Variants in CHIC2 observed in about 807,000 individuals in gnomAD.
CHIC2 encodes the protein cysteine rich hydrophobic domain 2.
A neutral mutation model predicts 25.9 loss-of-function variants in CHIC2; 14 were observed. That is an observed-to-expected ratio of 0.54 (90% CI 0.36 to 0.85). The LOEUF (loss-of-function observed/expected upper bound fraction) is 0.85, where lower values mean the gene tolerates loss of function less well. Ranked by LOEUF, CHIC2 falls within the 40% of genes least tolerant of loss-of-function variation. The probability of loss-of-function intolerance (pLI) is 0.01; values close to 1 mark genes in which losing one functional copy is unlikely to be tolerated. For synonymous variants in CHIC2, 70 were observed against 72.0 expected (o/e 0.97, Z 0.14); for missense variants, 146 against 202.0 (o/e 0.72, Z 1.68).
At chr4:54,058,482 T>C (rs1273596527) in intron 1 of CHIC2, among the ~76,000 whole-genome samples, 1 of 151,072 alleles carries the variant, frequency 6.6e-6, no homozygotes, top group Admixed American at 6.6e-5. Context: ...CTACCAAAAA[T>C]AAAAATCCCT....
the CHIC2 span, chr4:54,087,464 A>C: frequency 1.3e-6 from 1 of 781,678 alleles, no homozygotes; most frequent in South Asian, 3.2e-5. Context: ...AGTTAATGAA[A>C]TTGTGACAAG....
chr4:54,016,645 A>G (rs556240468), intron 3 of CHIC2, among the ~76,000 whole-genome samples: 2 of 152,250 alleles, frequency 1.3e-5, no homozygotes, highest in African/African-American at 2.4e-5. Flanking sequence ...TAATTTTGCT[A>G]TAAGACTTCT....
chr4:54,042,768 A>C (rs182236978), intron 3 of CHIC2, among the ~76,000 whole-genome samples: 10 of 152,372 alleles, frequency 6.6e-5, no homozygotes, highest in African/African-American at 2.4e-4. Context: ...ATGAAAAAAA[A>C]AGAACCATTT....
chr4:54,080,970 ATATATATATATAT>A, the CHIC2 span, among the ~76,000 whole-genome samples: 3 of 139,254 alleles, frequency 2.2e-5, no homozygotes, highest in African/African-American at 8.4e-5. Flanking sequence ...ATATATATAT[ATATATATATATAT>A]ATAAAATCAT....
At chr4:54,043,392 G>A (rs949679944) in intron 3 of CHIC2, among the ~76,000 whole-genome samples, 3 of 145,088 alleles carry the variant, frequency 2.1e-5, no homozygotes, top group Admixed American at 7.0e-5. Flanking sequence ...CTGCACTCCA[G>A]CCTGGGCAAC....
intron 3 of CHIC2, among the ~76,000 whole-genome samples, chr4:54,044,392 T>C (rs748244389): frequency 9.9e-5 from 15 of 152,202 alleles, no homozygotes; most frequent in Non-Finnish European, 1.9e-4. Context: ...ACTGACCACA[T>C]AGTTGGCAGT....
intron 3 of CHIC2, among the ~76,000 whole-genome samples, chr4:54,040,768 C>T (rs578177665): frequency 2.0e-5 from 3 of 146,416 alleles, no homozygotes; most frequent in Non-Finnish European, 4.5e-5. Flanking sequence ...ATCCCAGCTA[C>T]TCAGGAGGCT....
At chr4:54,026,916 T>G (rs973448697) in intron 3 of CHIC2, among the ~76,000 whole-genome samples, 8 of 152,194 alleles carry the variant, frequency 5.3e-5, no homozygotes, top group African/African-American at 1.9e-4. Flanking sequence ...CATGATTTTA[T>G]AATGAAAAAT....
At position 54,064,579 on chromosome 4, in the gene CHIC2, G is replaced by T; in HGVS notation, c.-279C>A. 8.0e-7 allele frequency: 1 copy of T among 1,254,710 alleles called. No homozygotes were observed. The highest frequency in any genetic ancestry group is 2.0e-5 in the South Asian group (1 of 50,926). The allele number at this position is 1,254,710 out of a possible 1,614,324, so 77.7% of individuals were successfully genotyped here. On this transcript the variant is annotated 5_prime_UTR_variant, in exon 1 of 6. Coordinates refer to ENST00000263921, the MANE Select transcript of CHIC2 (RefSeq NM_012110.4). The surrounding 1 kb of genome is among the most constrained non-coding windows in gnomAD (Gnocchi z 4.2). ...CACAAGCACAGACGCCGCTGCCGCC[G>T]CCGCAGCAGCAGCAACTCAGGAAAC...
At chr4:54,086,951 A>C in the CHIC2 span, 1 of 704,058 alleles carries the variant, frequency 1.4e-6, no homozygotes, top group South Asian at 1.5e-5. Flanking sequence ...CCGGGTTCTC[A>C]ATCTCATGGA....
chr4:54,074,770 C>A, the CHIC2 span, among the ~76,000 whole-genome samples: 2 of 152,030 alleles, frequency 1.3e-5, no homozygotes, highest in Admixed American at 6.6e-5. Context: ...TATATCTCAA[C>A]CTCTTCTTAA....
At chr4:54,077,665 ATG>A in the CHIC2 span, among the ~76,000 whole-genome samples, 1 of 152,294 alleles carries the variant, frequency 6.6e-6, no homozygotes, top group South Asian at 2.1e-4. Context: ...CTTCCTCAAA[ATG>A]TACTTGCAAG....
chr4:54,065,911 G>C (rs1283641122), upstream of CHIC2, among the ~76,000 whole-genome samples: 1 of 152,188 alleles, frequency 6.6e-6, no homozygotes, highest in Non-Finnish European at 1.5e-5. Context: ...GAAAAATACA[G>C]TAGTTGTATC....
intron 1 of CHIC2, among the ~76,000 whole-genome samples, chr4:54,063,559 G>C (rs1266690423): frequency 6.6e-6 from 1 of 152,224 alleles, no homozygotes; most frequent in Non-Finnish European, 1.5e-5. Context: ...TGAGCAGAGT[G>C]TATGTCCCTC....
At chr4:54,035,086 A>G (rs1320185624) in intron 3 of CHIC2, among the ~76,000 whole-genome samples, 1 of 152,180 alleles carries the variant, frequency 6.6e-6, no homozygotes, top group African/African-American at 2.4e-5. Flanking sequence ...TGGGAAGGAC[A>G]ATGTACTTGG....
chr4:54,075,165 T>A, the CHIC2 span, among the ~76,000 whole-genome samples: 2 of 152,186 alleles, frequency 1.3e-5, no homozygotes, highest in African/African-American at 4.8e-5. Context: ...AACTTTAAGG[T>A]GTCAATATCC....
intron 1 of CHIC2, among the ~76,000 whole-genome samples, chr4:54,050,543 C>T (rs544525033): frequency 1.3e-5 from 2 of 152,088 alleles, no homozygotes; most frequent in African/African-American, 2.4e-5. Context: ...ACCTTAAATA[C>T]ATACAGTCAT....
Position 54,010,076 on chromosome 4 carries a change from T to C in CHIC2, c.*19A>G. 6.4e-7 allele frequency: 1 copy of C among 1,565,454 alleles called. No homozygotes were observed. Among genetic ancestry groups the C allele is most frequent in the Non-Finnish European group, 8.8e-7 (1 of 1,138,258 alleles). ...GGAAAGACAACATACTTGGAAAGTC[T>C]CTATAAATAAAGTAAATGCTAATCT... On this transcript the variant is annotated 3_prime_UTR_variant, in exon 6 of 6. Coordinates refer to ENST00000263921, the MANE Select transcript of CHIC2 (RefSeq NM_012110.4).
At chr4:54,014,684 A>G (rs1453978632) in intron 3 of CHIC2, among the ~76,000 whole-genome samples, 1 of 152,180 alleles carries the variant, frequency 6.6e-6, no homozygotes, top group Non-Finnish European at 1.5e-5. Context: ...TTAAACCAAC[A>G]TAAAAGTGTC....
Sources: gnomAD v4.1 joint callset for allele counts (sites outside exome capture counted in the v4.1 genomes callset) on GRCh38, gnomAD v4.1.1 for gene constraint, Gnocchi (gnomAD v3.1) non-coding constraint, MANE v1.5 for transcripts, NCBI Gene and HGNC (gene_info 2026-07-23, HGNC 2026-07-21) for gene names.